The following RNF115 variants were observed in gnomAD, a reference collection of about 807,000 sequenced individuals.
RNF115 encodes E3 ubiquitin-protein ligase RNF115.
Under a neutral mutation model 39.2 loss-of-function variants are expected in RNF115, and 31 were observed. That is an observed-to-expected ratio of 0.79 (90% confidence interval 0.59 to 1.07). The LOEUF (loss-of-function observed/expected upper bound fraction) is 1.07. RNF115 is among the 50% of genes least tolerant of loss of function. RNF115 has a pLI of 0.00. For missense variants in RNF115, 384 were observed against 381.7 expected (o/e 1.01, Z -0.05); for synonymous variants, 124 against 131.0 (o/e 0.95, Z 0.37).
At chr1:145,783,169 A>G (rs1648224536) in intron 3 of RNF115, among the ~76,000 whole-genome samples, 2 of 152,184 alleles carry the variant, frequency 1.3e-5, no homozygotes, top group Admixed American at 1.3e-4. Flanking sequence ...GGCCCAGAAC[A>G]CATATTAAAT....
chr1:145,795,004 G>C (rs1006833222), intron 1 of RNF115, among the ~76,000 whole-genome samples: 16 of 136,896 alleles, frequency 1.2e-4, no homozygotes, highest in Non-Finnish European at 2.5e-4. Context: ...GTGACAGAGC[G>C]AGACTCCATT....
chr1:145,760,674 C>G (rs922154642), intron 4 of RNF115, among the ~76,000 whole-genome samples: 5 of 152,146 alleles, frequency 3.3e-5, no homozygotes, highest in African/African-American at 1.2e-4. Context: ...CCAATTAAAG[C>G]TCTTTTTCTT....
chr1:145,753,842 G>A (rs781890479), intron 4 of RNF115, among the ~76,000 whole-genome samples: 11 of 151,976 alleles, frequency 7.2e-5, no homozygotes, highest in African/African-American at 2.2e-4. Flanking sequence ...TTAGCCTCCC[G>A]AGTAGCTGGG....
chr1:145,781,555 T>A (rs77351717), intron 3 of RNF115, among the ~76,000 whole-genome samples: 6 of 152,182 alleles, frequency 3.9e-5, no homozygotes, highest in Non-Finnish European at 7.3e-5. Context: ...ATGGCTAAAA[T>A]GTATCAAGCA....
At position 145,751,471 on chromosome 1, in the gene RNF115, C is replaced by A; in HGVS notation, c.540G>T (p.Trp180Cys). Residue 180 changes from tryptophan to cysteine, a missense_variant, in exon 6 of 9, where the codon TGG becomes TGT. Transcript: ENST00000582693. ...MLHSNPGDYA[W>C]GQTGLDAIVT... Reference sequence around the variant, plus strand: ...CAATGGCATCAAGCCCTGTCTGACCCCAGGCATAGTCCCCAGGGTTGGAGT... The same window carrying A: ...CAATGGCATCAAGCCCTGTCTGACCACAGGCATAGTCCCCAGGGTTGGAGT... The A allele has an allele frequency of 6.3e-7, 1 of 1,595,588 alleles. No homozygotes were observed. Among genetic ancestry groups the A allele is most frequent in the Non-Finnish European group, 8.5e-7 (1 of 1,170,652 alleles).
At chr1:145,774,973 A>C (rs1553716321) in intron 3 of RNF115, among the ~76,000 whole-genome samples, 1 of 152,202 alleles carries the variant, frequency 6.6e-6, no homozygotes, top group African/African-American at 2.4e-5. Context: ...CAGGCTGGGC[A>C]CAGTGGCTTA....
intron 1 of RNF115, among the ~76,000 whole-genome samples, chr1:145,793,367 G>A (rs587734137): frequency 2.6e-5 from 4 of 152,146 alleles, no homozygotes; most frequent in South Asian, 4.2e-4. Context: ...TCTGAATGCC[G>A]AATACAAATG....
At chr1:145,750,251 C>G (rs1401677169) in intron 7 of RNF115, among the ~76,000 whole-genome samples, 156 bp downstream of exon 7, 4 of 152,152 alleles carry the variant, frequency 2.6e-5, no homozygotes, top group Admixed American at 6.5e-5. Flanking sequence ...TATAGCTTCA[C>G]TTAAAGGTCC....
rs587695759 is a variant in RNF115 at position 145,746,537 on chromosome 1, C to T, written c.*329G>A. 7.8e-4 allele frequency: 147 copies of T among 189,456 alleles called. No homozygotes were observed. The South Asian group carries it at 0.015, about 19-fold the overall frequency. 11.7% of individuals were successfully genotyped at this position (189,456 alleles called of 1,614,324 possible). ...AGGTTGGAGAAGGAGGTGGAAACAT[C>T]CGTTACAAGGCAACATGACAGACAG... is the stretch of plus-strand genomic sequence containing the variant. On this transcript the variant is annotated 3_prime_UTR_variant, in exon 9 of 9. Transcript: ENST00000582693.
In RNF115 at chr1:145,746,839, G is replaced by A. The variant is rs1553711802; in HGVS notation, c.*27C>T. On this transcript the variant is annotated 3_prime_UTR_variant, in exon 9 of 9. Coordinates refer to ENST00000582693, the MANE Select transcript of RNF115 (RefSeq NM_014455.4). Reference sequence around the variant, plus strand: ...CAGCTATGGTAAGATGATTACCACAGCCCTGATTCAGGTGTGGTCTTTAGC... The same window carrying A: ...CAGCTATGGTAAGATGATTACCACAACCCTGATTCAGGTGTGGTCTTTAGC... The A allele has an allele frequency of 3.1e-6, 5 of 1,611,140 alleles. No homozygotes were observed. The South Asian group carries it at 5.5e-5, about 18-fold the overall frequency.
chr1:145,768,102 T>C (rs1647461075), intron 4 of RNF115, among the ~76,000 whole-genome samples: 1 of 152,168 alleles, frequency 6.6e-6, no homozygotes, highest in South Asian at 2.1e-4. Context: ...ACACAGTGAG[T>C]GAAGGTCAGA....
At chr1:145,793,522 C>G (rs587733588) in intron 1 of RNF115, among the ~76,000 whole-genome samples, 34 of 152,196 alleles carry the variant, frequency 2.2e-4, no homozygotes, top group African/African-American at 7.9e-4. Flanking sequence ...CTTTAAATCT[C>G]TCTACATGCC....
Position 145,751,442 on chromosome 1 carries a change from G to C in RNF115, c.569C>G (p.Thr190Ser), listed in dbSNP as rs1228646264. 36 of 1,581,032 alleles carry C rather than the reference G, an allele frequency of 2.3e-5. No individual in the cohort carries two copies. Among genetic ancestry groups the C allele is most frequent in the Non-Finnish European group, 3.1e-5 (36 of 1,162,816 alleles). ...WGQTGLDAIV[T>S]QLLGQLENTG... is the part of the protein sequence containing the mutation. ...CCTCAAAAGGCAGCTCCTCACCTGGGTTACAATGGCATCAAGCCCTGTCTG... is the reference window on the plus strand; with the variant it reads ...CCTCAAAAGGCAGCTCCTCACCTGGCTTACAATGGCATCAAGCCCTGTCTG... The change falls in exon 6 of 9, where the codon ACC becomes AGC. Residue 190 changes from threonine to serine, a missense_variant. Coordinates refer to ENST00000582693, the MANE Select transcript of RNF115 (RefSeq NM_014455.4).
chr1:145,795,169 A>G (rs1648912988), intron 1 of RNF115, among the ~76,000 whole-genome samples: 1 of 151,798 alleles, frequency 6.6e-6, no homozygotes, highest in African/African-American at 2.4e-5. Context: ...ACAGCTCTTA[A>G]AGTTGGCACG....
In RNF115 at chr1:145,823,759, A is replaced by G; in HGVS notation, c.102+13T>C. 1 of 1,555,254 alleles carries G rather than the reference A, an allele frequency of 6.4e-7. No individual in the cohort carries two copies. Among genetic ancestry groups the G allele is most frequent in the Non-Finnish European group, 8.7e-7 (1 of 1,149,940 alleles). On this transcript the variant is annotated intron_variant, in intron 1 of 8. Transcript: ENST00000582693. ...TATGAGGTTCCCAAGTATAGAGAAC[A>G]CAGCGCTCTTACCGGTAGTTTGGGG...
At chr1:145,797,634 C>A (rs1649042848) in intron 1 of RNF115, among the ~76,000 whole-genome samples, 1 of 152,158 alleles carries the variant, frequency 6.6e-6, no homozygotes, top group Non-Finnish European at 1.5e-5. Flanking sequence ...TGAGGTCCTG[C>A]ATTGAATACT....
At chr1:145,791,820 C>CTTAA in intron 1 of RNF115, among the ~76,000 whole-genome samples, 1 of 152,078 alleles carries the variant, frequency 6.6e-6, no homozygotes, top group East Asian at 1.9e-4. Flanking sequence ...TTTTAACTAC[C>CTTAA]TATTAAAATA....
rs1461064644 is a variant in RNF115 at position 145,745,056 on chromosome 1, T to G, written c.*1810A>C. On this transcript the variant is annotated 3_prime_UTR_variant, in exon 9 of 9. Coordinates refer to ENST00000582693, the MANE Select transcript of RNF115 (RefSeq NM_014455.4). ...TGAAAAATAGGCTTAAAAATTAAAA[T>G]GTGACAATGTAAAATCTTAACTCCT... 1 of 152,150 alleles carries G rather than the reference T, an allele frequency of 6.6e-6. No individual in the cohort carries two copies. The highest frequency in any genetic ancestry group is 2.4e-5 in the African/African-American group (1 of 41,422). 9.4% of individuals were successfully genotyped at this position (152,150 alleles called of 1,614,324 possible).
At chr1:145,753,454 A>G (rs1658172245) in intron 4 of RNF115, among the ~76,000 whole-genome samples, 1 of 152,124 alleles carries the variant, frequency 6.6e-6, no homozygotes, top group African/African-American at 2.4e-5. Context: ...GGGTTTCTGA[A>G]TAAGATATCA....
Sources: gnomAD v4.1 joint callset for allele counts (sites outside exome capture counted in the v4.1 genomes callset) on GRCh38, gnomAD v4.1.1 for gene constraint, MANE v1.5 for transcripts, NCBI Gene and HGNC (gene_info 2026-07-23, HGNC 2026-07-21) for gene names.